Variants in COPG1 observed in about 807,000 individuals in gnomAD.
The protein encoded by COPG1 is coatomer subunit gamma-1.
COPG1 carries 29 observed loss-of-function variants against 102.8 expected under a neutral mutation model. The observed-to-expected ratio is 0.28, with a 90% CI of 0.21 to 0.38. The LOEUF (loss-of-function observed/expected upper bound fraction) is 0.38. Ranked by LOEUF, COPG1 falls within the 10% of genes least tolerant of loss-of-function variation. COPG1 has a pLI of 1.00. For synonymous variants in COPG1, 406 were observed against 421.6 expected (o/e 0.96, Z 0.45); for missense variants, 875 against 1,132.7 (o/e 0.77, Z 3.27).
intron 13 of COPG1, among the ~76,000 whole-genome samples, chr3:129,265,013 G>A (rs1940024208): frequency 6.6e-6 from 1 of 151,928 alleles, no homozygotes; most frequent in Non-Finnish European, 1.5e-5. Context: ...TAGAGACAGG[G>A]TTTTACCATG....
Position 129,277,568 on chromosome 3 carries a change from T to G in COPG1, c.*144T>G. 2 of 719,212 alleles carry G rather than the reference T, an allele frequency of 2.8e-6. No individual in the cohort carries two copies. The highest frequency in any genetic ancestry group is 4.3e-6 in the Non-Finnish European group (2 of 465,552). The allele number at this position is 719,212 out of a possible 1,614,324, so 44.6% of individuals were successfully genotyped here. On this transcript the variant is annotated 3_prime_UTR_variant, in exon 24 of 24. Coordinates refer to ENST00000314797, the MANE Select transcript of COPG1 (RefSeq NM_016128.4). ...CATTGCAGATTTTTTTTTATTCTGC[T>G]CCCACCTCCCACCCGGGACTACTTG...
At chr3:129,265,299 C>T (rs1050643558) in intron 13 of COPG1, among the ~76,000 whole-genome samples, 1 of 151,884 alleles carries the variant, frequency 6.6e-6, no homozygotes, top group African/African-American at 2.4e-5. Flanking sequence ...TCCATGATGC[C>T]CAGGCTGATT....
chr3:129,265,138 C>T (rs1940026818), intron 13 of COPG1, among the ~76,000 whole-genome samples: 1 of 151,840 alleles, frequency 6.6e-6, no homozygotes, highest in Non-Finnish European at 1.5e-5. Context: ...GTCACCCAGG[C>T]TGGAGTGTGG....
At chr3:129,259,993 T>G (rs1430404480) in intron 10 of COPG1, among the ~76,000 whole-genome samples, 1 of 152,206 alleles carries the variant, frequency 6.6e-6, no homozygotes, top group African/African-American at 2.4e-5. Context: ...TTTGTTTGCT[T>G]TCCCCTTTGT....
chr3:129,255,259 A>G (rs1366749786), intron 7 of COPG1, among the ~76,000 whole-genome samples, 182 bp downstream of exon 7: 1 of 151,608 alleles, frequency 6.6e-6, no homozygotes, highest in Admixed American at 6.6e-5. Context: ...GCTCACTGCA[A>G]CCTCTGCCGC....
At position 129,250,679 on chromosome 3, in the gene COPG1, T is replaced by C; in HGVS notation, c.38-3T>C. 6.2e-7 allele frequency: 1 copy of C among 1,613,878 alleles called. No individual in the cohort carries two copies. The highest frequency in any genetic ancestry group is 2.2e-5 in the East Asian group (1 of 44,890). ...CTACCTTCTCCATTGTCCTTGACCGTAGGTGGAGGCTCCAACCCATTCCAG... is the reference window on the plus strand; with the variant it reads ...CTACCTTCTCCATTGTCCTTGACCGCAGGTGGAGGCTCCAACCCATTCCAG... On this transcript the variant is annotated splice_polypyrimidine_tract_variant and splice_region_variant and intron_variant, in intron 1 of 23. Transcript: ENST00000314797.
At chr3:129,269,787 C>A (rs541772764) in intron 18 of COPG1, among the ~76,000 whole-genome samples, 22 of 152,122 alleles carry the variant, frequency 1.4e-4, no homozygotes, top group Non-Finnish European at 3.2e-4. Flanking sequence ...TATCAGTTTT[C>A]TATTGCTGCT....
chr3:129,276,785 T>C (rs1940278079), intron 23 of COPG1, among the ~76,000 whole-genome samples: 1 of 152,022 alleles, frequency 6.6e-6, no homozygotes, highest in South Asian at 2.1e-4. Context: ...TGCCACTTTG[T>C]AGTTGAGGAT....
At chr3:129,270,558 G>A (rs1407357330) in intron 18 of COPG1, among the ~76,000 whole-genome samples, 2 of 152,162 alleles carry the variant, frequency 1.3e-5, no homozygotes, top group Non-Finnish European at 2.9e-5. Flanking sequence ...GATGGTCATG[G>A]TGGCCCAAAA....
At chr3:129,260,872 GC>G in intron 12 of COPG1, 65 bp downstream of exon 12, 1 of 1,536,962 alleles carries the variant, frequency 6.5e-7, no homozygotes. Context: ...GCTCTCTGTG[GC>G]CACAGCCTTC....
In COPG1 at chr3:129,268,595, G is replaced by C. The variant is rs1441233859; in HGVS notation, c.1749G>C (p.Thr583=). The change falls in exon 17 of 24, where the codon ACG becomes ACC. Residue 583 remains threonine, a synonymous_variant. Transcript: ENST00000314797. ...PFDLKSVPLA[T]APMAEQRTES... ...ACCTCAAGTCTGTGCCCCTGGCCAC[G>C]GCGCCCATGGCAGAGCAGAGAACAG... 5.6e-6 allele frequency: 9 copies of C among 1,614,182 alleles called. No individual in the cohort carries two copies. The highest frequency in any genetic ancestry group is 1.3e-5 in the African/African-American group (1 of 75,052).
Position 129,264,018 on chromosome 3 carries a change from C to A in COPG1, c.1224+19C>A, listed in dbSNP as rs138974815. The A allele has an allele frequency of 2.5e-6, 4 of 1,601,444 alleles. No homozygotes were observed. Among genetic ancestry groups the A allele is most frequent in the Non-Finnish European group, 3.4e-6 (4 of 1,168,842 alleles). ...GGAAGAGGTAAGAGTCAGGGGCATT[C>A]GGGGGATGCCAGGTCTCCTGGTGCA... On this transcript the variant is annotated intron_variant, in intron 13 of 23. Coordinates refer to ENST00000314797, the MANE Select transcript of COPG1 (RefSeq NM_016128.4).
At chr3:129,263,476 A>C (rs980367445) in intron 12 of COPG1, among the ~76,000 whole-genome samples, 2 of 152,132 alleles carry the variant, frequency 1.3e-5, no homozygotes, top group African/African-American at 4.8e-5. Flanking sequence ...GGAGGGGATA[A>C]GATTGCTGAA....
chr3:129,267,164 G>A (rs1357499045), intron 15 of COPG1, 65 bp downstream of exon 15: 3 of 1,277,404 alleles, frequency 2.3e-6, no homozygotes, highest in Non-Finnish European at 3.3e-6. Context: ...GCTTTCCTTT[G>A]TCTTTATTTT....
Position 129,263,755 on chromosome 3 carries a change from C to T in COPG1, c.1129-149C>T, listed in dbSNP as rs180984103. On this transcript the variant is annotated intron_variant, in intron 12 of 23. Transcript: ENST00000314797. The stretch of plus-strand genomic sequence containing the variant: ...GGGATTGTGCCCTTCAAGCTTCAAG[C>T]GTGGAGTTGAGTTCCTCTGGTCTCC... The T allele has an allele frequency of 2.2e-3, 1,500 of 673,720 alleles. 5 individuals are homozygous for T. The highest frequency in any genetic ancestry group is 2.9e-3 in the Non-Finnish European group (1,103 of 374,290). 41.7% of individuals were successfully genotyped at this position (673,720 alleles called of 1,614,324 possible).
In COPG1 at chr3:129,272,215, G is replaced by A. The variant is rs376940295; in HGVS notation, c.1987-29G>A. 1.2e-5 allele frequency: 20 copies of A among 1,606,422 alleles called. No homozygotes were observed. The African/African-American group carries it at 1.9e-4, about 15-fold the overall frequency. On this transcript the variant is annotated intron_variant, in intron 19 of 23. Coordinates refer to ENST00000314797, the MANE Select transcript of COPG1 (RefSeq NM_016128.4). ...CAGCATGGCTCGGACCTAGTGCAATGTTTAAGCTCCCCTCTCTTTCCTGTT... is the reference window on the plus strand; with the variant it reads ...CAGCATGGCTCGGACCTAGTGCAATATTTAAGCTCCCCTCTCTTTCCTGTT...
At chr3:129,250,273 C>CA (rs1374890960) in intron 1 of COPG1, among the ~76,000 whole-genome samples, 4 of 152,214 alleles carry the variant, frequency 2.6e-5, no homozygotes, top group Admixed American at 6.5e-5. Flanking sequence ...AGAATGGTTG[C>CA]ACCCACGATG....
In COPG1 at chr3:129,275,875, G is replaced by A. The variant is rs1940262609; in HGVS notation, c.2494+583G>A. 6.6e-6 allele frequency among the ~76,000 whole-genome samples: 1 copy of A among 152,086 alleles called. No individual in the cohort carries two copies. Among genetic ancestry groups the A allele is most frequent in the Non-Finnish European group, 1.5e-5 (1 of 68,018 alleles). ...ATAGTTGCTTAGTATTCCATTGTGTGGATGCACCACATATTCTATGGAACA... is the reference window on the plus strand; with the variant it reads ...ATAGTTGCTTAGTATTCCATTGTGTAGATGCACCACATATTCTATGGAACA... On this transcript the variant is annotated intron_variant, in intron 23 of 23. Transcript: ENST00000314797. The surrounding 1 kb of genome is among the most constrained non-coding windows in gnomAD (Gnocchi z 5.0).
At chr3:129,267,867 A>G (rs1487163918) in intron 15 of COPG1, 70 bp from the exon 16 acceptor site, 2 of 1,217,066 alleles carry the variant, frequency 1.6e-6, no homozygotes, top group Non-Finnish European at 2.4e-6. Flanking sequence ...ACCTCTAATG[A>G]AGCCATGCAG....
Sources: allele counts gnomAD v4.1 joint callset (sites outside exome capture counted in the v4.1 genomes callset), GRCh38; gene constraint gnomAD v4.1.1; non-coding constraint Gnocchi (gnomAD v3.1); transcripts MANE v1.5; gene names NCBI Gene and HGNC (gene_info 2026-07-23, HGNC 2026-07-21).